ZNF831: variants seen among roughly 807,000 people sequenced by gnomAD.
ZNF831 encodes zinc finger protein 831.
A neutral mutation model predicts 95.8 loss-of-function variants in ZNF831; 59 were observed. The observed-to-expected ratio is 0.62, with a 90% CI of 0.50 to 0.77. ZNF831 has a LOEUF of 0.77. Among genes scored for constraint, ZNF831 ranks in the 30% least tolerant of loss-of-function variants. The pLI is 0.00. For synonymous variants in ZNF831, 961 were observed against 925.5 expected, an observed-to-expected ratio of 1.04 and a Z score of -0.70; for missense variants, 2,205 against 2,164.0, an observed-to-expected ratio of 1.02 and a Z score of -0.38.
Position 59,256,748 on chromosome 20 carries a change from C to G in ZNF831, c.*2005C>G, listed in dbSNP as rs1433890358. ...TGCATGCAAGAAGTTTGGGTGGGGA[C>G]AGTGAGGAACTGAAACACAAGCACC... On this transcript the variant is annotated 3_prime_UTR_variant, in exon 6 of 6. Transcript: ENST00000371030. 6.6e-6 allele frequency: 1 copy of G among 152,184 alleles called. No individual in the cohort carries two copies. The highest frequency in any genetic ancestry group is 2.1e-4 in the South Asian group (1 of 4,828). 9.4% of individuals were successfully genotyped at this position (152,184 alleles called of 1,614,324 possible). A position where few individuals can be genotyped will look rare whatever the true frequency, so the allele number is the denominator to read the frequency against.
chr20:59,191,176 G>A lies in ZNF831; in HGVS notation c.157G>A (p.Val53Met), dbSNP rs2146543799. 1 of 1,600,746 alleles carries A rather than the reference G, an allele frequency of 6.2e-7. No individual in the cohort carries two copies. Among genetic ancestry groups the A allele is most frequent in the Non-Finnish European group, 8.5e-7 (1 of 1,176,560 alleles). Residue 53 changes from valine (V) to methionine (M), a missense_variant, in exon 2 of 6, where the codon GTG becomes ATG. Physicochemically the swap from Val to Met is conservative, Grantham distance 21. Transcript: ENST00000371030. ...AGAGCAGGGCCTGGCCCCCCCCACT[G>A]TGTTCCTGAAGGCCCTGCCCATCCC... is the stretch of plus-strand genomic sequence containing the variant. ...PPEQGLAPPT[V>M]FLKALPIPLY...
At chr20:59,179,190 C>T (rs1460647723) in intron 1 of ZNF831, among the ~76,000 whole-genome samples, 3 of 152,202 alleles carry the variant, frequency 2.0e-5, no homozygotes, top group Non-Finnish European at 4.4e-5. Context: ...CCGTGCCTCA[C>T]ACCAGGTCAC....
At position 59,169,637 on chromosome 20, in the gene ZNF831, G is replaced by A. The variant is rs573421361; in HGVS notation, c.-37+5430G>A. ...AAAAATTAGCCCGGTGTGGTGGTGC[G>A]CACCTGTAATCCCAGCATGTTGCAA... is the stretch of plus-strand genomic sequence containing the variant. On this transcript the variant is annotated intron_variant, in intron 1 of 5. Coordinates refer to ENST00000371030, the MANE Select transcript of ZNF831 (RefSeq NM_178457.3). This position sits in a 1 kb window ranked among gnomAD's most constrained non-coding sequence, Gnocchi z 4.1. Among the ~76,000 whole-genome samples the A allele has an allele frequency of 2.4e-4, 36 of 152,030 alleles. No individual in the cohort carries two copies. In the South Asian group the frequency reaches 3.5e-3, roughly 15 times the overall value.
At chr20:59,218,885 C>A (rs1365720054) in intron 4 of ZNF831, among the ~76,000 whole-genome samples, 1 of 152,086 alleles carries the variant, frequency 6.6e-6, no homozygotes, top group Non-Finnish European at 1.5e-5. Context: ...TAGTGGCATG[C>A]ACCTGTAGTC....
chr20:59,205,475 G>A (rs78151572), intron 3 of ZNF831, among the ~76,000 whole-genome samples: 1 of 152,208 alleles, frequency 6.6e-6, no homozygotes, highest in Admixed American at 6.5e-5. Flanking sequence ...CCAGTTGAGG[G>A]GAGCTTCTCC....
intron 1 of ZNF831, among the ~76,000 whole-genome samples, chr20:59,142,549 G>A (rs1979716046): frequency 6.6e-6 from 1 of 152,218 alleles, no homozygotes; most frequent in Admixed American, 6.5e-5. Context: ...CAGAACCTGG[G>A]ATTAAATAAC....
At position 59,223,996 on chromosome 20, in the gene ZNF831, G is replaced by A. The variant is rs574889677; in HGVS notation, c.4027+16940G>A. 9.8e-5 allele frequency among the ~76,000 whole-genome samples: 15 copies of A among 152,342 alleles called. No individual in the cohort carries two copies. In the East Asian group the frequency reaches 2.9e-3, roughly 29 times the overall value. On this transcript the variant is annotated intron_variant, in intron 4 of 5. Coordinates refer to ENST00000371030, the MANE Select transcript of ZNF831 (RefSeq NM_178457.3). The stretch of plus-strand genomic sequence containing the variant: ...CCACCCCCACATCCAGGCCACTGGA[G>A]CCAAACACTGAAACCGGTGTGGCCA...
intron 1 of ZNF831, among the ~76,000 whole-genome samples, chr20:59,180,833 A>G (rs1205482420): frequency 6.6e-6 from 1 of 152,234 alleles, no homozygotes; most frequent in Non-Finnish European, 1.5e-5. Context: ...TGCAATAAAC[A>G]TATGTGTGAA....
chr20:59,150,540 G>C (rs936039285), intron 2 of ZNF831, among the ~76,000 whole-genome samples: 6 of 152,110 alleles, frequency 3.9e-5, no homozygotes, highest in Admixed American at 1.3e-4. Context: ...TATTTTTATA[G>C]ATCATCTATG....
chr20:59,206,886 A>G lies in ZNF831; in HGVS notation c.3876-19A>G. On this transcript the variant is annotated intron_variant, in intron 3 of 5. Coordinates refer to ENST00000371030, the MANE Select transcript of ZNF831 (RefSeq NM_178457.3). ...GCTCTCCAGGCTGGTTACTGCAAGCATGCTTCTCTCTTCTACAGGTACAAA... is the reference window on the plus strand; with the variant it reads ...GCTCTCCAGGCTGGTTACTGCAAGCGTGCTTCTCTCTTCTACAGGTACAAA... The G allele has an allele frequency of 1.9e-6, 3 of 1,609,986 alleles. No individual in the cohort carries two copies. The highest frequency in any genetic ancestry group is 2.5e-6 in the Non-Finnish European group (3 of 1,177,764).
intron 3 of ZNF831, among the ~76,000 whole-genome samples, chr20:59,204,533 T>C (rs144649353): frequency 0.013 from 2,011 of 152,262 alleles, 16 homozygotes; most frequent in African/African-American, 0.028. Flanking sequence ...CTCTTTGCTT[T>C]GTTCTTCTCT....
intron 2 of ZNF831, among the ~76,000 whole-genome samples, chr20:59,148,679 CAAAAAAAAAAAAAAAAAAAAAAAAA>C (rs35635821): frequency 1.4e-3 from 22 of 16,212 alleles, no homozygotes; most frequent in East Asian, 2.7e-3. Flanking sequence ...AACTCCGTCT[CAAAAAAAAAAAAAAAAAAAAAAAAA>C]AAAAAAAAAA....
chr20:59,132,082 A>G (rs1021622605), intron 1 of ZNF831, among the ~76,000 whole-genome samples: 6 of 152,192 alleles, frequency 3.9e-5, no homozygotes, highest in East Asian at 1.9e-4. Context: ...ACCCCATTGT[A>G]TGAGAAATTT....
intron 4 of ZNF831, among the ~76,000 whole-genome samples, chr20:59,222,023 T>C (rs770710610): frequency 7.9e-5 from 12 of 152,226 alleles, no homozygotes; most frequent in South Asian, 2.1e-4. Flanking sequence ...ACTCAGTGCA[T>C]TGGAGTCTGA....
chr20:59,209,470 G>T (rs12624906), intron 4 of ZNF831, among the ~76,000 whole-genome samples: 16,585 of 152,194 alleles, frequency 0.11, 1,058 homozygotes, highest in East Asian at 0.27. Context: ...GGGATTGAGT[G>T]GATAAAGTCT....
At chr20:59,236,769 C>G (rs1987023168) in intron 4 of ZNF831, among the ~76,000 whole-genome samples, 1 of 152,030 alleles carries the variant, frequency 6.6e-6, no homozygotes, top group Non-Finnish European at 1.5e-5. Context: ...CAACTCCTGC[C>G]CTTCTCTGAA....
intron 4 of ZNF831, among the ~76,000 whole-genome samples, chr20:59,242,223 A>G (rs972040297): frequency 6.6e-6 from 1 of 152,186 alleles, no homozygotes; most frequent in African/African-American, 2.4e-5. Flanking sequence ...CTTCCCAGCT[A>G]TTATTATTGA....
chr20:59,191,955 G>A lies in ZNF831; in HGVS notation c.936G>A (p.Pro312=), dbSNP rs745468497. 16 of 1,608,034 alleles carry A rather than the reference G, an allele frequency of 1.0e-5. No homozygotes were observed. The highest frequency in any genetic ancestry group is 3.4e-5 in the Admixed American group (2 of 59,696). The change falls in exon 2 of 6, where the codon CCG becomes CCA. Residue 312 remains proline, a synonymous_variant. Transcript: ENST00000371030. ...AGAAGTCGCCGACCGCCGGGAAGCC[G>A]TGCGCCCTGCAGCGGCAGCAGGCGA... ...PEQKSPTAGK[P]CALQRQQATA...
chr20:59,140,957 T>C (rs1312127084), intron 1 of ZNF831, among the ~76,000 whole-genome samples: 5 of 152,240 alleles, frequency 3.3e-5, no homozygotes, highest in African/African-American at 1.2e-4. Context: ...TGGAGTGCAG[T>C]GGCACGATCT....
Sources: allele counts gnomAD v4.1 joint callset (sites outside exome capture counted in the v4.1 genomes callset), GRCh38; gene constraint gnomAD v4.1.1; non-coding constraint Gnocchi (gnomAD v3.1); transcripts MANE v1.5; gene names NCBI Gene and HGNC (gene_info 2026-07-23, HGNC 2026-07-21).